The following LUZP2 variants were observed in gnomAD, a reference collection of about 807,000 sequenced individuals.
The protein encoded by LUZP2 is leucine zipper protein 2.
Under a neutral mutation model 51.6 loss-of-function variants are expected in LUZP2, and 52 were observed. That is an observed-to-expected ratio of 1.01 (90% CI 0.81 to 1.27). The LOEUF (loss-of-function observed/expected upper bound fraction) is 1.27, where lower values mean the gene tolerates loss of function less well. LUZP2 is among the 50% of genes most tolerant of loss of function. The probability of loss-of-function intolerance (pLI) is 0.00; values close to 1 mark genes in which losing one functional copy is unlikely to be tolerated. For synonymous variants in LUZP2, 154 were observed against 137.3 expected, an observed-to-expected ratio of 1.12 and a Z score of -0.85; for missense variants, 436 against 395.4, an observed-to-expected ratio of 1.10 and a Z score of -0.87.
At chr11:24,914,441 G>T (rs756128508) in intron 6 of LUZP2, 35 bp from the exon 7 acceptor site, 1 of 1,463,872 alleles carries the variant, frequency 6.8e-7, no homozygotes, top group African/African-American at 1.4e-5. Flanking sequence ...AAATATAAAT[G>T]AGTTACACAA....
rs12272941 is a variant in LUZP2, at chr11:24,528,058, C to G, written c.62+30753C>G. On this transcript the variant is annotated intron_variant, in intron 1 of 11. Transcript: ENST00000336930. ...GACTATTATTGAGAATATGGTTCAA[C>G]CCTCTATTCATAGTCGATGTAGACA... 5.3e-3 allele frequency among the ~76,000 whole-genome samples: 797 copies of G among 151,332 alleles called. 5 individuals are homozygous for G. Among genetic ancestry groups the G allele is most frequent in the African/African-American group, 0.018 (757 of 41,430 alleles).
At chr11:25,014,954 C>T (rs1419505474) in intron 9 of LUZP2, among the ~76,000 whole-genome samples, 2 of 152,156 alleles carry the variant, frequency 1.3e-5, no homozygotes, top group Admixed American at 6.5e-5. Context: ...GATCCAGTTT[C>T]AGCTTTCTAC....
chr11:24,735,622 T>C (rs2631430), intron 3 of LUZP2, among the ~76,000 whole-genome samples: 118,529 of 151,726 alleles, frequency 0.78, 46,627 homozygotes, highest in Admixed American at 0.86. Flanking sequence ...AAATGCCTTT[T>C]TGTAGAGTGA....
At chr11:24,604,671 G>A (rs541348057) in intron 1 of LUZP2, among the ~76,000 whole-genome samples, 7 of 151,804 alleles carry the variant, frequency 4.6e-5, no homozygotes, top group African/African-American at 9.6e-5. Context: ...GACTTTGTCC[G>A]GTGTATTTAA....
chr11:24,842,127 T>C (rs961737427), intron 5 of LUZP2, among the ~76,000 whole-genome samples: 1 of 151,020 alleles, frequency 6.6e-6, no homozygotes, highest in Admixed American at 6.6e-5. Context: ...GTTGTGGCAA[T>C]ATATTAATAT....
At chr11:24,669,776 T>C (rs1165381998) in intron 1 of LUZP2, among the ~76,000 whole-genome samples, 1 of 152,082 alleles carries the variant, frequency 6.6e-6, no homozygotes, top group Non-Finnish European at 1.5e-5. Context: ...GGTCTCTTTC[T>C]AGACTTTTCG....
At chr11:24,894,998 C>G (rs1852990999) in intron 5 of LUZP2, among the ~76,000 whole-genome samples, 1 of 152,112 alleles carries the variant, frequency 6.6e-6, no homozygotes, top group South Asian at 2.1e-4. Context: ...GAAAAAATAA[C>G]CAATCTAACT....
chr11:24,646,531 T>G (rs1313676647), intron 1 of LUZP2: 30 of 930,764 alleles, frequency 3.2e-5, no homozygotes, highest in Admixed American at 6.2e-5. Flanking sequence ...TCCTAATTAA[T>G]AGTCTCTTGA....
At chr11:24,823,082 G>C (rs11028192) in intron 5 of LUZP2, among the ~76,000 whole-genome samples, 5,958 of 152,180 alleles carry the variant, frequency 0.039, 221 homozygotes, top group East Asian at 0.13. Flanking sequence ...TGTTCTCATG[G>C]GGCTTATATT....
chr11:25,009,739 A>T (rs570307330), intron 9 of LUZP2, among the ~76,000 whole-genome samples: 4 of 152,346 alleles, frequency 2.6e-5, no homozygotes, highest in African/African-American at 9.6e-5. Flanking sequence ...TTTAAGAGTC[A>T]AGTATTTAAG....
intron 5 of LUZP2, among the ~76,000 whole-genome samples, chr11:24,798,109 T>C (rs1379440552): frequency 1.3e-5 from 2 of 152,152 alleles, no homozygotes; most frequent in Non-Finnish European, 2.9e-5. Flanking sequence ...AATACACAAA[T>C]ACTATGTTTT....
chr11:24,542,913 C>A (rs1851419526), intron 1 of LUZP2, among the ~76,000 whole-genome samples: 2 of 143,350 alleles, frequency 1.4e-5, no homozygotes, highest in Non-Finnish European at 1.5e-5. Context: ...AAGAACAGCA[C>A]ACACACACAC....
At position 24,926,305 on chromosome 11, in the gene LUZP2, G is replaced by A. The variant is rs1339751810; in HGVS notation, c.522+11767G>A. The stretch of plus-strand genomic sequence containing the variant: ...TATATATACGTGTGTATATATATAC[G>A]TGTGTATATATATACGTGTGTGTAT... On this transcript the variant is annotated intron_variant, in intron 7 of 11. Transcript: ENST00000336930. Among the ~76,000 whole-genome samples, 14 of 100,736 alleles carry A rather than the reference G, an allele frequency of 1.4e-4. 2 individuals carry two copies. Among genetic ancestry groups the A allele is most frequent in the Admixed American group, 9.3e-4 (9 of 9,710 alleles). 66.1% of individuals were successfully genotyped at this position (100,736 alleles called of 152,430 possible). A position where few individuals can be genotyped will look rare whatever the true frequency, so the allele number is the denominator to read the frequency against.
At chr11:24,544,404 C>A (rs1370083173) in intron 1 of LUZP2, among the ~76,000 whole-genome samples, 1 of 151,946 alleles carries the variant, frequency 6.6e-6, no homozygotes, top group Non-Finnish European at 1.5e-5. Flanking sequence ...AAGCCTAGTG[C>A]CCATTAGTTA....
intron 1 of LUZP2, among the ~76,000 whole-genome samples, chr11:24,544,050 T>C (rs1264213677): frequency 6.6e-6 from 1 of 151,920 alleles, no homozygotes; most frequent in Non-Finnish European, 1.5e-5. Context: ...ATTCAGCTGG[T>C]AGCAGTTGAG....
Position 25,034,502 on chromosome 11 carries a change from G to A in LUZP2, c.766-15536G>A, listed in dbSNP as rs150630824. 3.9e-3 allele frequency among the ~76,000 whole-genome samples: 595 copies of A among 152,194 alleles called. 3 individuals carry two copies. Among genetic ancestry groups the A allele is most frequent in the Non-Finnish European group, 4.9e-3 (336 of 67,994 alleles). On this transcript the variant is annotated intron_variant, in intron 9 of 11. Transcript: ENST00000336930. ...CCAAAATTTGTTTTCCAAGGCCAAT[G>A]TCAGAAGAGTATTTTCCAAGTTGTC...
At chr11:24,999,143 AT>A (rs1287815013) in intron 9 of LUZP2, among the ~76,000 whole-genome samples, 2 of 152,126 alleles carry the variant, frequency 1.3e-5, no homozygotes, top group Non-Finnish European at 2.9e-5. Context: ...GATGTTCAAA[AT>A]TTGAATGTCT....
intron 9 of LUZP2, among the ~76,000 whole-genome samples, chr11:25,013,471 C>T (rs1047344364): frequency 5.9e-5 from 9 of 152,112 alleles, no homozygotes; most frequent in African/African-American, 2.2e-4. Context: ...CCTACACTAG[C>T]TTACCCATAT....
intron 7 of LUZP2, among the ~76,000 whole-genome samples, chr11:24,955,844 T>C (rs1424955715): frequency 6.6e-6 from 1 of 152,094 alleles, no homozygotes; most frequent in Non-Finnish European, 1.5e-5. Flanking sequence ...GTTTGTGTTC[T>C]ATTGTAAAGA....
Sources: allele counts gnomAD v4.1 joint callset (sites outside exome capture counted in the v4.1 genomes callset), GRCh38; gene constraint gnomAD v4.1.1; transcripts MANE v1.5; gene names NCBI Gene and HGNC (gene_info 2026-07-23, HGNC 2026-07-21).